Variants in FSIP2 observed in about 807,000 individuals in gnomAD.
The protein encoded by FSIP2 is fibrous sheath interacting protein 2.
In FSIP2, 367 loss-of-function variants were observed where a neutral mutation model predicts 510.5. That is an observed-to-expected ratio of 0.72 (90% CI 0.66 to 0.78). The LOEUF (loss-of-function observed/expected upper bound fraction) is 0.78. Ranked by LOEUF, FSIP2 falls within the 30% of genes least tolerant of loss-of-function variation. The pLI, the probability that FSIP2 is intolerant of heterozygous loss-of-function variation, is 0.00. For missense variants in FSIP2, 7,594 were observed against 7,901.7 expected, an observed-to-expected ratio of 0.96 and a Z score of 1.48; for synonymous variants, 2,601 against 2,732.2, an observed-to-expected ratio of 0.95 and a Z score of 1.50.
chr2:185,818,357 T>C (rs148948287), intron 19 of FSIP2, among the ~76,000 whole-genome samples: 11 of 151,840 alleles, frequency 7.2e-5, no homozygotes, highest in African/African-American at 2.7e-4. Flanking sequence ...CAGAACAATA[T>C]ACACCTTATG....
At chr2:185,781,933 GTTCACGCCA>G (rs1455761190) in intron 13 of FSIP2, among the ~76,000 whole-genome samples, 1 of 151,946 alleles carries the variant, frequency 6.6e-6, no homozygotes, top group Non-Finnish European at 1.5e-5. Flanking sequence ...CGCCTCCCAG[GTTCACGCCA>G]TTCTCCTGCC....
intron 9 of FSIP2, among the ~76,000 whole-genome samples, chr2:185,760,050 G>A (rs1382347044): frequency 6.7e-6 from 1 of 150,370 alleles, no homozygotes; most frequent in African/African-American, 2.4e-5. Flanking sequence ...AAATTTATTG[G>A]CATACATTTT....
chr2:185,800,549 A>T lies in FSIP2; in HGVS notation c.11243A>T (p.Lys3748Ile). 6.5e-7 allele frequency: 1 copy of T among 1,528,082 alleles called. No individual in the cohort carries two copies. Among genetic ancestry groups the T allele is most frequent in the Non-Finnish European group, 8.7e-7 (1 of 1,143,932 alleles). 94.7% of individuals were successfully genotyped at this position (1,528,082 alleles called of 1,614,324 possible). The change falls in exon 17 of 23, where the codon AAA becomes ATA. Residue 3748 changes from lysine to isoleucine, a missense_variant. Physicochemically the swap from Lys to Ile is moderately radical, Grantham distance 102 (BLOSUM62 -3). Coordinates refer to ENST00000424728, the MANE Select transcript of FSIP2 (RefSeq NM_173651.4). ...ACCAATAACCTACAGCTCTCCTCAA[A>T]ATCAGTTTTTCTTCTCAATGTTGTA... ...ILTNNLQLSSKSVFLLNVVCE... is the reference protein window; with the variant it reads ...ILTNNLQLSSISVFLLNVVCE...
At chr2:185,780,260 C>T (rs1226493184) in intron 13 of FSIP2, among the ~76,000 whole-genome samples, 1 of 151,738 alleles carries the variant, frequency 6.6e-6, no homozygotes, top group African/African-American at 2.4e-5. Context: ...TCTATATTGC[C>T]TCTCTTCATT....
chr2:185,803,881 G>A lies in FSIP2; in HGVS notation c.14575G>A (p.Asp4859Asn), dbSNP rs1244349680. 3 of 1,524,724 alleles carry A rather than the reference G, an allele frequency of 2.0e-6. No individual in the cohort carries two copies. The highest frequency in any genetic ancestry group is 1.8e-6 in the Non-Finnish European group (2 of 1,139,432). The allele number at this position is 1,524,724 out of a possible 1,614,324, so 94.4% of individuals were successfully genotyped here. The change falls in exon 17 of 23, where the codon GAT (aspartate) becomes AAT (asparagine). Residue 4859 changes from aspartate (D) to asparagine (N), a missense_variant. Physicochemically the swap from Asp to Asn is conservative, Grantham distance 23. Coordinates refer to ENST00000424728, the MANE Select transcript of FSIP2 (RefSeq NM_173651.4). ...AAAACAGAGTATGATTTCAGCAAAAGATATCCAGTCTATGGTTGATTCCAT... is the reference window on the plus strand; with the variant it reads ...AAAACAGAGTATGATTTCAGCAAAAAATATCCAGTCTATGGTTGATTCCAT... ...NKKQSMISAKDIQSMVDSIYA... is the reference protein window; with the variant it reads ...NKKQSMISAKNIQSMVDSIYA...
chr2:185,791,734 C>T lies in FSIP2; in HGVS notation c.4598C>T (p.Ser1533Phe). Residue 1533 changes from serine to phenylalanine, a missense_variant, in exon 16 of 23, where the codon TCC becomes TTC. Ser to Phe is a radical substitution (Grantham distance 155). Coordinates refer to ENST00000424728, the MANE Select transcript of FSIP2 (RefSeq NM_173651.4). ...TCAATTATTGAGAAAATGGCCAAAT[C>T]CACCAAAATAATCTCCAGCATAGTT... ...FASIIEKMAK[S>F]TKIISSIVSR... The T allele has an allele frequency of 2.6e-6, 4 of 1,534,466 alleles. No individual in the cohort carries two copies. Among genetic ancestry groups the T allele is most frequent in the Non-Finnish European group, 3.5e-6 (4 of 1,145,656 alleles).
intron 4 of FSIP2, chr2:185,745,166 C>A: frequency 4.2e-6 from 1 of 235,578 alleles, no homozygotes; most frequent in African/African-American, 2.3e-5. Context: ...TCATTCTGTG[C>A]CCAGTGTTTC....
At position 185,801,358 on chromosome 2, in the gene FSIP2, T is replaced by C; in HGVS notation, c.12052T>C (p.Phe4018Leu). Residue 4018 changes from phenylalanine (F) to leucine (L), a missense_variant, in exon 17 of 23, where the codon TTT becomes CTT. Coordinates refer to ENST00000424728, the MANE Select transcript of FSIP2 (RefSeq NM_173651.4). Reference sequence around the variant, plus strand: ...ATTTGTCAACAATGTAGTGAATGAATTTAATAATGCTCAAGTCACTGTTCT... The same window carrying C: ...ATTTGTCAACAATGTAGTGAATGAACTTAATAATGCTCAAGTCACTGTTCT... ...TLFVNNVVNE[F>L]NNAQVTVLRN... 6.5e-7 allele frequency: 1 copy of C among 1,534,130 alleles called. No homozygotes were observed. Among genetic ancestry groups the C allele is most frequent in the Non-Finnish European group, 8.7e-7 (1 of 1,145,594 alleles).
At chr2:185,815,755 A>G (rs1034936714) in intron 19 of FSIP2, among the ~76,000 whole-genome samples, 6 of 152,014 alleles carry the variant, frequency 3.9e-5, no homozygotes, top group Non-Finnish European at 8.8e-5. Context: ...GTATTTTCTA[A>G]CCTGAGAGAG....
intron 8 of FSIP2, among the ~76,000 whole-genome samples, chr2:185,755,080 C>T (rs187548559): frequency 3.5e-4 from 53 of 151,600 alleles, no homozygotes; most frequent in African/African-American, 1.2e-3. Context: ...TTATCAAAAT[C>T]CTACAGTTCT....
At chr2:185,746,898 T>C in intron 6 of FSIP2, 88 bp downstream of exon 6, 1 of 894,476 alleles carries the variant, frequency 1.1e-6, no homozygotes, top group South Asian at 2.3e-5. Flanking sequence ...ATTGTGCTGC[T>C]TGAAGTCATT....
At chr2:185,761,871 G>C (rs987598604) in intron 10 of FSIP2, 101 bp from the exon 11 acceptor site, 4 of 582,448 alleles carry the variant, frequency 6.9e-6, no homozygotes, top group Non-Finnish European at 1.2e-5. Flanking sequence ...GTTAAAAGAG[G>C]GAAAACATCT....
chr2:185,821,975 C>A (rs917799298), intron 19 of FSIP2, among the ~76,000 whole-genome samples: 1 of 150,970 alleles, frequency 6.6e-6, no homozygotes, highest in Non-Finnish European at 1.5e-5. Context: ...ACAGAATGAT[C>A]TGTCTCAAAT....
chr2:185,826,005 C>T (rs897968800), intron 20 of FSIP2, among the ~76,000 whole-genome samples: 4 of 151,774 alleles, frequency 2.6e-5, no homozygotes, highest in African/African-American at 4.8e-5. Context: ...TTAAGATACA[C>T]GAATACTTAC....
chr2:185,822,141 T>C (rs148441855), intron 19 of FSIP2, among the ~76,000 whole-genome samples: 1 of 151,978 alleles, frequency 6.6e-6, no homozygotes, highest in African/African-American at 2.4e-5. Context: ...ATGAAGTATT[T>C]CCTCTGAGAT....
chr2:185,761,230 A>G (rs1692344473), intron 10 of FSIP2, 127 bp downstream of exon 10: 5 of 405,690 alleles, frequency 1.2e-5, no homozygotes, highest in Middle Eastern at 6.3e-4. Flanking sequence ...TTTATTCATG[A>G]AACATGATCC....
In FSIP2 at chr2:185,753,845, G is replaced by A. The variant is rs1434327837; in HGVS notation, c.991+3G>A. On this transcript the variant is annotated splice_donor_region_variant and intron_variant, in intron 8 of 22. Transcript: ENST00000424728. ...CAGAGGTCAAGATGGAACACATGGT[G>A]AATGTGAGAACATTAAAAGATGATG... 1.4e-6 allele frequency: 2 copies of A among 1,452,690 alleles called. No homozygotes were observed. The highest frequency in any genetic ancestry group is 1.8e-6 in the Non-Finnish European group (2 of 1,108,610). The allele number at this position is 1,452,690 out of a possible 1,614,324, so 90.0% of individuals were successfully genotyped here. A position where few individuals can be genotyped will look rare whatever the true frequency, so the allele number is the denominator to read the frequency against.
At chr2:185,830,310 G>A (rs1020674760) in intron 21 of FSIP2, among the ~76,000 whole-genome samples, 1 of 151,820 alleles carries the variant, frequency 6.6e-6, no homozygotes, top group Non-Finnish European at 1.5e-5. Flanking sequence ...ACATAGCCAA[G>A]GTTTTGACAT....
At chr2:185,780,833 C>T (rs571493498) in intron 13 of FSIP2, among the ~76,000 whole-genome samples, 27 of 152,164 alleles carry the variant, frequency 1.8e-4, no homozygotes, top group Middle Eastern at 6.8e-3. Flanking sequence ...AATTTACATA[C>T]GCTGCTGCCA....
Sources: allele counts gnomAD v4.1 joint callset (sites outside exome capture counted in the v4.1 genomes callset), GRCh38; gene constraint gnomAD v4.1.1; transcripts MANE v1.5; gene names NCBI Gene and HGNC (gene_info 2026-07-23, HGNC 2026-07-21).